The following NRG3 variants were observed in gnomAD, a reference collection of about 807,000 sequenced individuals.
NRG3 encodes the protein neuregulin 3.
In NRG3, 31 loss-of-function variants were observed where a neutral mutation model predicts 66.9. That is an observed-to-expected ratio of 0.46 (90% CI 0.35 to 0.63). The LOEUF is 0.63. NRG3 is among the 20% of genes least tolerant of loss of function. The probability of loss-of-function intolerance (pLI) is 0.00; values close to 1 mark genes in which losing one functional copy is unlikely to be tolerated. For synonymous variants in NRG3, 393 were observed against 359.4 expected (o/e 1.09, Z -1.06); for missense variants, 910 against 878.9 (o/e 1.04, Z -0.45).
At chr10:82,165,808 G>T (rs1035171034) in intron 1 of NRG3, among the ~76,000 whole-genome samples, 1 of 151,740 alleles carries the variant, frequency 6.6e-6, no homozygotes, top group South Asian at 2.1e-4. Context: ...GGAAATCTAA[G>T]AATTATTTTT....
intron 1 of NRG3, among the ~76,000 whole-genome samples, chr10:82,195,213 A>G (rs1263842846): frequency 6.6e-6 from 1 of 152,318 alleles, no homozygotes; most frequent in South Asian, 2.1e-4. Context: ...AGAGGGCTAG[A>G]TTGAAGGCTG....
At chr10:82,061,842 T>TTCTCTCTCTC (rs72439199) in intron 1 of NRG3, among the ~76,000 whole-genome samples, 2,341 of 146,754 alleles carry the variant, frequency 0.016, 19 homozygotes, top group East Asian at 0.041. Flanking sequence ...CAGTGTCCCT[T>TTCTCTCTCTC]TCTCTCTCTC....
intron 2 of NRG3, among the ~76,000 whole-genome samples, chr10:82,395,629 C>A (rs1401122220): frequency 6.6e-6 from 1 of 152,124 alleles, no homozygotes; most frequent in Non-Finnish European, 1.5e-5. Flanking sequence ...ATCCTTCCAT[C>A]ATTCATCCAT....
At chr10:82,068,251 T>G (rs962789943) in intron 1 of NRG3, among the ~76,000 whole-genome samples, 1 of 152,176 alleles carries the variant, frequency 6.6e-6, no homozygotes, top group African/African-American at 2.4e-5. Flanking sequence ...CAATTAGTAT[T>G]TAGTGTCTCA....
At chr10:82,002,484 A>G (rs1037592184) in intron 1 of NRG3, among the ~76,000 whole-genome samples, 2 of 152,178 alleles carry the variant, frequency 1.3e-5, no homozygotes, top group African/African-American at 4.8e-5. Context: ...AAGACTTGTA[A>G]TTCAGCAGCT....
intron 4 of NRG3, among the ~76,000 whole-genome samples, chr10:82,883,317 A>G (rs1414200580): frequency 6.6e-6 from 1 of 152,222 alleles, no homozygotes; most frequent in East Asian, 1.9e-4. Flanking sequence ...ATACATTTAG[A>G]AGAAGCCTCG....
intron 1 of NRG3, among the ~76,000 whole-genome samples, chr10:82,293,463 G>A (rs1037459898): frequency 3.9e-5 from 6 of 152,088 alleles, no homozygotes; most frequent in Non-Finnish European, 8.8e-5. Flanking sequence ...ATCACACTTT[G>A]GTGATCCTAG....
chr10:82,520,273 T>C (rs910211199), intron 2 of NRG3, among the ~76,000 whole-genome samples: 64 of 151,362 alleles, frequency 4.2e-4, no homozygotes, highest in African/African-American at 1.5e-3. Context: ...AATTAATACA[T>C]GGATATGGTT....
chr10:82,745,110 G>A (rs1291382650), intron 3 of NRG3, among the ~76,000 whole-genome samples: 1 of 152,060 alleles, frequency 6.6e-6, no homozygotes, highest in Non-Finnish European at 1.5e-5. Context: ...AAAATGGAGG[G>A]GCAATAAAAG....
chr10:82,552,518 A>G (rs925426706), intron 2 of NRG3, among the ~76,000 whole-genome samples: 1 of 152,126 alleles, frequency 6.6e-6, no homozygotes, highest in African/African-American at 2.4e-5. Flanking sequence ...TATATGTATT[A>G]TTCAGCGTAA....
chr10:82,263,385 T>C (rs2078132235), intron 1 of NRG3, among the ~76,000 whole-genome samples: 1 of 152,216 alleles, frequency 6.6e-6, no homozygotes, highest in Admixed American at 6.5e-5. Context: ...TAAAACCTTT[T>C]AAGTTTTCTA....
At chr10:82,021,510 G>T (rs888598042) in intron 1 of NRG3, among the ~76,000 whole-genome samples, 4 of 152,184 alleles carry the variant, frequency 2.6e-5, no homozygotes, top group African/African-American at 2.4e-5. Flanking sequence ...AATTGGCTTT[G>T]TGGATTATGG....
chr10:82,276,091 A>G (rs2078834087), intron 1 of NRG3, among the ~76,000 whole-genome samples: 2 of 151,998 alleles, frequency 1.3e-5, no homozygotes, highest in African/African-American at 4.8e-5. Context: ...AATGACAACA[A>G]TAAGTTCGTT....
chr10:82,090,761 C>T (rs996602600), intron 1 of NRG3, among the ~76,000 whole-genome samples: 1 of 149,052 alleles, frequency 6.7e-6, no homozygotes, highest in Non-Finnish European at 1.5e-5. Context: ...AACTCTATAT[C>T]TGAAATGGGA....
At chr10:82,080,313 A>C (rs1442262859) in intron 1 of NRG3, among the ~76,000 whole-genome samples, 1 of 152,172 alleles carries the variant, frequency 6.6e-6, no homozygotes, top group Non-Finnish European at 1.5e-5. Flanking sequence ...TTCTTGGTGC[A>C]TAGTTTGCCC....
At chr10:82,552,316 C>G (rs1019001792) in intron 2 of NRG3, among the ~76,000 whole-genome samples, 4 of 152,056 alleles carry the variant, frequency 2.6e-5, no homozygotes, top group African/African-American at 9.7e-5. Flanking sequence ...TTCCTATCAT[C>G]TTTGAAAGGT....
At chr10:82,562,281 G>C (rs900707819) in intron 2 of NRG3, among the ~76,000 whole-genome samples, 1 of 152,094 alleles carries the variant, frequency 6.6e-6, no homozygotes, top group African/African-American at 2.4e-5. Flanking sequence ...GGTCTTTTTA[G>C]TGAAGCATAT....
At chr10:82,746,639 A>G (rs1395215320) in intron 3 of NRG3, among the ~76,000 whole-genome samples, 1 of 152,130 alleles carries the variant, frequency 6.6e-6, no homozygotes, top group Non-Finnish European at 1.5e-5. Flanking sequence ...ATGGTTCTAG[A>G]TTATCTAATT....
intron 1 of NRG3, among the ~76,000 whole-genome samples, chr10:81,876,558 A>G (rs1841675395): frequency 6.6e-6 from 1 of 152,142 alleles, no homozygotes; most frequent in Non-Finnish European, 1.5e-5. Flanking sequence ...GAAGGCACTG[A>G]GCCCCTTCTC....
Sources: gnomAD v4.1 joint callset for allele counts (sites outside exome capture counted in the v4.1 genomes callset) on GRCh38, gnomAD v4.1.1 for gene constraint, MANE v1.5 for transcripts, NCBI Gene and HGNC (gene_info 2026-07-23, HGNC 2026-07-21) for gene names.